Variants in HEATR4 observed in about 807,000 individuals in gnomAD.
HEATR4 encodes the protein HEAT repeat containing 4.
In HEATR4, 95 loss-of-function variants were observed where a neutral mutation model predicts 108.8. The ratio of observed to expected loss-of-function variants is 0.87; its 90% CI spans 0.74 to 1.04. The LOEUF (loss-of-function observed/expected upper bound fraction) is 1.04, where lower values mean the gene tolerates loss of function less well. HEATR4 is among the 50% of genes least tolerant of loss of function. The pLI is 0.00. For synonymous variants in HEATR4, 443 were observed against 459.4 expected, an observed-to-expected ratio of 0.96 and a Z score of 0.46; for missense variants, 1,152 against 1,253.8, an observed-to-expected ratio of 0.92 and a Z score of 1.23.
At chr14:73,486,641 T>C (rs1434608241) in intron 17 of HEATR4, among the ~76,000 whole-genome samples, 4 of 151,480 alleles carry the variant, frequency 2.6e-5, no homozygotes, top group Non-Finnish European at 5.9e-5. Flanking sequence ...GAGATTGCAG[T>C]GAGCCGAGAT....
chr14:73,616,840 C>T, the HEATR4 span: 2 of 550,036 alleles, frequency 3.6e-6, no homozygotes, highest in Non-Finnish European at 3.2e-6. Context: ...GTTTTTTATC[C>T]CTCTATATTA....
chr14:73,517,274 T>C (rs1887663725), intron 5 of HEATR4: 1 of 152,242 alleles, frequency 6.6e-6, no homozygotes, highest in Admixed American at 6.5e-5. Flanking sequence ...TTGCCTAGAC[T>C]AGTCTGAAAC....
chr14:73,588,001 C>G, the HEATR4 span, among the ~76,000 whole-genome samples: 21 of 150,860 alleles, frequency 1.4e-4, no homozygotes, highest in African/African-American at 5.1e-4. Context: ...TTTTATTTCT[C>G]TCATTTTTTT....
chr14:73,608,182 C>T, the HEATR4 span, among the ~76,000 whole-genome samples: 9 of 152,338 alleles, frequency 5.9e-5, no homozygotes, highest in East Asian at 1.2e-3. Context: ...CTTGGCCTCC[C>T]AAAGTGCTGG....
At position 73,490,129 on chromosome 14, in the gene HEATR4, T is replaced by G. The variant is rs550225834; in HGVS notation, c.2844+2937A>C. Among the ~76,000 whole-genome samples, 10 of 152,246 alleles carry G rather than the reference T, an allele frequency of 6.6e-5. No individual in the cohort carries two copies. In the East Asian group the frequency reaches 7.7e-4, roughly 12 times the overall value. On this transcript the variant is annotated intron_variant, in intron 17 of 17. Transcript: ENST00000553558. The stretch of plus-strand genomic sequence containing the variant: ...GTCTCTAGTAACTTGATTTTGTGCT[T>G]CTTCTTGTTTTTTGAGACAAGAGTC...
the HEATR4 span, chr14:73,569,988 C>G: frequency 3.5e-6 from 5 of 1,443,100 alleles, no homozygotes; most frequent in Non-Finnish European, 3.7e-6. Context: ...GCCGCGCCCC[C>G]GGGCTATATT....
At chr14:73,584,113 G>C in the HEATR4 span, among the ~76,000 whole-genome samples, 2 of 151,792 alleles carry the variant, frequency 1.3e-5, no homozygotes, top group African/African-American at 4.8e-5. Flanking sequence ...CACTGTGCAT[G>C]CTCACTTCCG....
Sources: allele counts gnomAD v4.1 joint callset (sites outside exome capture counted in the v4.1 genomes callset), GRCh38; gene constraint gnomAD v4.1.1; transcripts MANE v1.5; gene names NCBI Gene and HGNC (gene_info 2026-07-23, HGNC 2026-07-21).